ZNF521: variants seen among roughly 807,000 people sequenced by gnomAD.
ZNF521 encodes LYST-interacting protein 3.
In ZNF521, 14 loss-of-function variants were observed where a neutral mutation model predicts 105.5. The observed-to-expected ratio is 0.13, with a 90% confidence interval of 0.09 to 0.21. The LOEUF (loss-of-function observed/expected upper bound fraction) is 0.21. Ranked by LOEUF, ZNF521 falls within the 10% of genes least tolerant of loss-of-function variation. ZNF521 has a pLI of 1.00. For synonymous variants in ZNF521, 635 were observed against 606.0 expected, an observed-to-expected ratio of 1.05 and a Z score of -0.70; for missense variants, 1,233 against 1,629.7, an observed-to-expected ratio of 0.76 and a Z score of 4.19.
chr18:25,082,799 G>GCA, intron 7 of ZNF521: 3 of 182,138 alleles, frequency 1.6e-5, no homozygotes, highest in Non-Finnish European at 3.3e-5. Context: ...CCAAGATGGT[G>GCA]CCATTGCACT....
chr18:25,172,301 A>G (rs755696757), intron 5 of ZNF521, among the ~76,000 whole-genome samples: 14 of 152,090 alleles, frequency 9.2e-5, no homozygotes, highest in Non-Finnish European at 1.9e-4. Flanking sequence ...CAAAAATTCA[A>G]CTAGCTCACT....
intron 5 of ZNF521, among the ~76,000 whole-genome samples, chr18:25,150,576 AGAT>A (rs2035028027): frequency 6.6e-6 from 1 of 152,216 alleles, no homozygotes; most frequent in South Asian, 2.1e-4. Context: ...CAAGAGAAGA[AGAT>A]GTCAGCCACA....
intron 3 of ZNF521, among the ~76,000 whole-genome samples, chr18:25,321,416 G>A (rs951861692): frequency 6.6e-6 from 1 of 152,190 alleles, no homozygotes; most frequent in Admixed American, 6.5e-5. Flanking sequence ...GCCTTAATGA[G>A]TACCTACTAT....
chr18:25,115,878 T>G (rs756606849), intron 5 of ZNF521, among the ~76,000 whole-genome samples: 1 of 152,158 alleles, frequency 6.6e-6, no homozygotes, highest in Non-Finnish European at 1.5e-5. Flanking sequence ...CCAGTGAGTT[T>G]ACAAAGAGCT....
chr18:25,325,218 T>C (rs892353387), intron 2 of ZNF521, among the ~76,000 whole-genome samples: 4 of 152,158 alleles, frequency 2.6e-5, no homozygotes, highest in African/African-American at 9.7e-5. Context: ...AAAAGATGTG[T>C]TTATTTGTGC....
chr18:25,106,813 A>G (rs2034082819), intron 5 of ZNF521, among the ~76,000 whole-genome samples: 2 of 152,158 alleles, frequency 1.3e-5, no homozygotes, highest in Admixed American at 1.3e-4. Flanking sequence ...ATTACTAGTG[A>G]GTCCAGTTTT....
intron 3 of ZNF521, among the ~76,000 whole-genome samples, chr18:25,263,182 T>C (rs1198324867): frequency 6.6e-6 from 1 of 152,206 alleles, no homozygotes; most frequent in Admixed American, 6.5e-5. Context: ...CAAAAGTTTA[T>C]TAAAGCATCC....
At chr18:25,176,816 C>T (rs1291613757) in intron 5 of ZNF521, among the ~76,000 whole-genome samples, 2 of 152,238 alleles carry the variant, frequency 1.3e-5, no homozygotes, top group Admixed American at 6.5e-5. Flanking sequence ...AAACTGCTCC[C>T]GGAAAATTCT....
At chr18:25,160,492 A>T (rs1396525745) in intron 5 of ZNF521, among the ~76,000 whole-genome samples, 1 of 152,214 alleles carries the variant, frequency 6.6e-6, no homozygotes, top group African/African-American at 2.4e-5. Flanking sequence ...TCATACATGG[A>T]CACACTGCAC....
At chr18:25,117,556 T>G (rs192687286) in intron 5 of ZNF521, among the ~76,000 whole-genome samples, 4 of 152,138 alleles carry the variant, frequency 2.6e-5, no homozygotes, top group Admixed American at 2.6e-4. Context: ...AATGAAAACA[T>G]AGGAAATCAC....
intron 3 of ZNF521, among the ~76,000 whole-genome samples, chr18:25,243,383 A>G (rs1313336412): frequency 3.9e-5 from 6 of 152,212 alleles, no homozygotes; most frequent in African/African-American, 1.4e-4. Flanking sequence ...AGACAACTCA[A>G]GAGGTAGCTC....
At chr18:25,313,966 G>A (rs996391272) in intron 3 of ZNF521, among the ~76,000 whole-genome samples, 5 of 151,868 alleles carry the variant, frequency 3.3e-5, no homozygotes, top group African/African-American at 1.2e-4. Flanking sequence ...AAGGAAACAG[G>A]AAAATAAAAC....
At chr18:25,125,406 C>G (rs761826515) in intron 5 of ZNF521, among the ~76,000 whole-genome samples, 3 of 152,010 alleles carry the variant, frequency 2.0e-5, no homozygotes, top group African/African-American at 2.4e-5. Flanking sequence ...GAAAATTAGG[C>G]CCAATACTAA....
chr18:25,332,523 C>A (rs1250825280), intron 2 of ZNF521, among the ~76,000 whole-genome samples: 1 of 151,978 alleles, frequency 6.6e-6, no homozygotes, highest in Non-Finnish European at 1.5e-5. Context: ...ATAAACAAAA[C>A]AAGAAAAGCC....
chr18:25,138,923 C>T (rs541345395), intron 5 of ZNF521, among the ~76,000 whole-genome samples: 20 of 152,232 alleles, frequency 1.3e-4, no homozygotes, highest in African/African-American at 4.8e-4. Context: ...TCTGTTAAGT[C>T]CAGCAAGTAA....
intron 3 of ZNF521, among the ~76,000 whole-genome samples, chr18:25,281,326 G>A (rs1910368193): frequency 6.6e-6 from 1 of 152,230 alleles, no homozygotes; most frequent in Non-Finnish European, 1.5e-5. Context: ...CTAAATGAGA[G>A]AGGAAATGTC....
chr18:25,308,734 G>T (rs191032810), intron 3 of ZNF521, among the ~76,000 whole-genome samples: 60 of 142,062 alleles, frequency 4.2e-4, no homozygotes, highest in Non-Finnish European at 5.4e-4. Context: ...TGATTTATTG[G>T]TCAAAGAGTA....
chr18:25,180,450 T>C (rs918819544), intron 5 of ZNF521, among the ~76,000 whole-genome samples: 1 of 151,626 alleles, frequency 6.6e-6, no homozygotes, highest in Non-Finnish European at 1.5e-5. Flanking sequence ...TCAGTGCAAA[T>C]AGTGAACTTA....
chr18:25,269,602 A>G (rs1600236205), intron 3 of ZNF521, among the ~76,000 whole-genome samples: 1 of 152,248 alleles, frequency 6.6e-6, no homozygotes, highest in African/African-American at 2.4e-5. Context: ...CTCAGACCAC[A>G]GTGCAATCAA....
Sources: allele counts gnomAD v4.1 joint callset (sites outside exome capture counted in the v4.1 genomes callset), GRCh38; gene constraint gnomAD v4.1.1; transcripts MANE v1.5; gene names NCBI Gene and HGNC (gene_info 2026-07-23, HGNC 2026-07-21).